The following CLDN10 variants were observed in gnomAD, a reference collection of about 807,000 sequenced individuals.
The protein encoded by CLDN10 is claudin 10.
A neutral mutation model predicts 22.9 loss-of-function variants in CLDN10; 15 were observed. That is an observed-to-expected ratio of 0.65 (90% confidence interval 0.44 to 1.01). The LOEUF (loss-of-function observed/expected upper bound fraction) is 1.01, where lower values mean the gene tolerates loss of function less well. Among genes scored for constraint, CLDN10 ranks in the 50% least tolerant of loss-of-function variants. The probability of loss-of-function intolerance (pLI) is 0.00; values close to 1 mark genes in which losing one functional copy is unlikely to be tolerated. For missense variants in CLDN10, 247 were observed against 287.8 expected, an observed-to-expected ratio of 0.86 and a Z score of 1.03; for synonymous variants, 114 against 111.4, an observed-to-expected ratio of 1.02 and a Z score of -0.15.
chr13:95,537,115 G>T (rs538017196), intron 1 of CLDN10, among the ~76,000 whole-genome samples: 2 of 152,278 alleles, frequency 1.3e-5, no homozygotes, highest in East Asian at 3.9e-4. Context: ...ATCAAATTAA[G>T]ATAGAATATT....
At position 95,563,132 on chromosome 13, in the gene CLDN10, C is replaced by CTCTG. The variant is rs1555300143; in HGVS notation, c.464+2675_464+2678dup. On this transcript the variant is annotated intron_variant, in intron 3 of 4. Coordinates refer to ENST00000299339, the MANE Select transcript of CLDN10 (RefSeq NM_006984.5). ...TCTCTCTCTCTCTCTCTCTCTCTCT[C>CTCTG]TCTGTCTGTATTCTCATCTGTAAAA... Among the ~76,000 whole-genome samples the CTCTG allele has an allele frequency of 7.7e-5, 11 of 142,270 alleles. No individual in the cohort carries two copies. The South Asian group carries it at 1.1e-3, about 15-fold the overall frequency. 93.3% of individuals were successfully genotyped at this position (142,270 alleles called of 152,430 possible). A position where few individuals can be genotyped will look rare whatever the true frequency, so the allele number is the denominator to read the frequency against.
chr13:95,480,117 G>C lies in CLDN10; in HGVS notation c.214+46070G>C, dbSNP rs570760487. Among the ~76,000 whole-genome samples, 22 of 152,292 alleles carry C rather than the reference G, an allele frequency of 1.4e-4. No individual in the cohort carries two copies. In the East Asian group the frequency reaches 4.2e-3, roughly 29 times the overall value. ...GTGGCAGGGAAGAGAAAACTTGTGC[G>C]GGGGAGCTCCTTCTTATAGAACCAT... is the stretch of plus-strand genomic sequence containing the variant. On this transcript the variant is annotated intron_variant, in intron 1 of 4. Transcript: ENST00000376873.
chr13:95,507,785 G>C (rs112977156), intron 1 of CLDN10, among the ~76,000 whole-genome samples: 1 of 151,952 alleles, frequency 6.6e-6, no homozygotes, highest in Non-Finnish European at 1.5e-5. Flanking sequence ...CACCACGCCT[G>C]GCTAATTTTG....
intron 1 of CLDN10, among the ~76,000 whole-genome samples, chr13:95,498,705 C>A (rs1309807808): frequency 2.6e-5 from 4 of 152,160 alleles, no homozygotes; most frequent in Non-Finnish European, 5.9e-5. Flanking sequence ...TATTCCTCTC[C>A]TTTATAATTT....
At chr13:95,484,251 C>T (rs1258228086) in intron 1 of CLDN10, among the ~76,000 whole-genome samples, 1 of 152,172 alleles carries the variant, frequency 6.6e-6, no homozygotes, top group Admixed American at 6.5e-5. Flanking sequence ...TGCAGCAGCA[C>T]TTCTAGCAGC....
At chr13:95,498,381 G>C (rs1225994942) in intron 1 of CLDN10, among the ~76,000 whole-genome samples, 6 of 152,070 alleles carry the variant, frequency 3.9e-5, no homozygotes, top group African/African-American at 9.7e-5. Context: ...ATATTTTATG[G>C]GTGATATACT....
upstream of CLDN10, among the ~76,000 whole-genome samples, chr13:95,549,914 A>G (rs1191652173): frequency 6.6e-6 from 1 of 152,158 alleles, no homozygotes; most frequent in Non-Finnish European, 1.5e-5. Flanking sequence ...GTAATAGAAT[A>G]TTTCTTTTTT....
intron 1 of CLDN10, chr13:95,480,065 TG>T (rs754686252): frequency 1.1e-5 from 1 of 87,678 alleles, no homozygotes; most frequent in Non-Finnish European, 2.7e-5. Context: ...TGGTGGAAGG[TG>T]AAGGAGGAAC....
intron 1 of CLDN10, among the ~76,000 whole-genome samples, chr13:95,494,802 C>T (rs1480915516): frequency 6.6e-6 from 1 of 152,010 alleles, no homozygotes; most frequent in African/African-American, 2.4e-5. Flanking sequence ...CTAGTCTGGC[C>T]CCATCATCTG....
At chr13:95,563,089 C>T (rs1033925021) in intron 3 of CLDN10, among the ~76,000 whole-genome samples, 4 of 126,148 alleles carry the variant, frequency 3.2e-5, no homozygotes, top group Admixed American at 8.4e-5. Context: ...CTGTCTCTGC[C>T]TACCCACTCT....
chr13:95,516,764 A>G (rs2043171429), intron 1 of CLDN10, among the ~76,000 whole-genome samples: 1 of 152,138 alleles, frequency 6.6e-6, no homozygotes, highest in Admixed American at 6.6e-5. Flanking sequence ...AAGGGCACGG[A>G]GGGGAATCTC....
rs1208329376 is a variant in CLDN10, at chr13:95,440,620, G to A, written c.214+6573G>A. 7.2e-5 allele frequency among the ~76,000 whole-genome samples: 11 copies of A among 152,224 alleles called. No homozygotes were observed. The East Asian group carries it at 1.3e-3, about 19-fold the overall frequency. On this transcript the variant is annotated intron_variant, in intron 1 of 4. Transcript: ENST00000376873. ...CAACTGGGGAGATTGAGACTGCAGT[G>A]AGCTGATATTGCACAGCTGCATTCC...
upstream of CLDN10, among the ~76,000 whole-genome samples, chr13:95,548,019 G>T (rs536817766): frequency 6.6e-6 from 1 of 152,310 alleles, no homozygotes; most frequent in East Asian, 1.9e-4. Flanking sequence ...GTTGAAAGTG[G>T]TCTCGGAAGA....
intron 1 of CLDN10, among the ~76,000 whole-genome samples, chr13:95,474,574 C>G: frequency 6.6e-6 from 1 of 152,226 alleles, no homozygotes; most frequent in Middle Eastern, 3.4e-3. Flanking sequence ...AAGATAAGAA[C>G]AGGTTAGCCA....
At chr13:95,518,185 C>T (rs997664175) in intron 1 of CLDN10, among the ~76,000 whole-genome samples, 7 of 152,022 alleles carry the variant, frequency 4.6e-5, no homozygotes, top group East Asian at 1.9e-4. Context: ...TGAGTGAATG[C>T]GTGTAAAGTG....
At chr13:95,461,623 T>C (rs903296491) in intron 1 of CLDN10, among the ~76,000 whole-genome samples, 1 of 152,200 alleles carries the variant, frequency 6.6e-6, no homozygotes, top group Admixed American at 6.5e-5. Context: ...CAGAGTTCCC[T>C]TGGAGAACTG....
chr13:95,523,486 G>A (rs1013807842), intron 1 of CLDN10, among the ~76,000 whole-genome samples: 1 of 151,992 alleles, frequency 6.6e-6, no homozygotes, highest in Non-Finnish European at 1.5e-5. Flanking sequence ...TTTACTTGTG[G>A]GATTATTTTC....
chr13:95,573,201 G>A (rs1338856527), intron 3 of CLDN10, among the ~76,000 whole-genome samples: 1 of 152,130 alleles, frequency 6.6e-6, no homozygotes, highest in Non-Finnish European at 1.5e-5. Context: ...CACATTCCTT[G>A]TTTCTAAAGC....
chr13:95,531,602 C>T (rs2043342967), intron 1 of CLDN10, among the ~76,000 whole-genome samples: 1 of 152,034 alleles, frequency 6.6e-6, no homozygotes, highest in Non-Finnish European at 1.5e-5. Flanking sequence ...GCAATCTTGG[C>T]TCATTGCAAC....
Sources: allele counts gnomAD v4.1 joint callset (sites outside exome capture counted in the v4.1 genomes callset), GRCh38; gene constraint gnomAD v4.1.1; transcripts MANE v1.5; gene names NCBI Gene and HGNC (gene_info 2026-07-23, HGNC 2026-07-21).